RALGAPA2: variants seen among roughly 807,000 people sequenced by gnomAD.
The protein encoded by RALGAPA2 is Ral GTPase activating protein catalytic subunit alpha 2.
In RALGAPA2, 139 loss-of-function variants were observed where a neutral mutation model predicts 230.4. The ratio of observed to expected loss-of-function variants is 0.60; its 90% CI spans 0.53 to 0.69. The LOEUF (loss-of-function observed/expected upper bound fraction) is 0.69. RALGAPA2 is among the 30% of genes least tolerant of loss of function. RALGAPA2 has a pLI of 0.00. For missense variants in RALGAPA2, 2,163 were observed against 2,276.0 expected (o/e 0.95, Z 1.01); for synonymous variants, 847 against 837.8 (o/e 1.01, Z -0.19).
chr20:20,567,670 A>T (rs2064476936), intron 23 of RALGAPA2, among the ~76,000 whole-genome samples: 1 of 151,914 alleles, frequency 6.6e-6, no homozygotes, highest in African/African-American at 2.4e-5. Flanking sequence ...AGTTTTAGAT[A>T]TTTTTTTGAA....
At chr20:20,662,841 G>A (rs1398868152) in intron 3 of RALGAPA2, among the ~76,000 whole-genome samples, 1 of 152,194 alleles carries the variant, frequency 6.6e-6, no homozygotes, top group African/African-American at 2.4e-5. Flanking sequence ...TCCAAAGGGA[G>A]AACACCCTTG....
At chr20:20,625,500 A>G (rs1568666623) in intron 10 of RALGAPA2, among the ~76,000 whole-genome samples, 3 of 152,234 alleles carry the variant, frequency 2.0e-5, no homozygotes, top group Non-Finnish European at 2.9e-5. Flanking sequence ...AACATCCTTT[A>G]GAGCAGTGCT....
intron 1 of RALGAPA2, among the ~76,000 whole-genome samples, chr20:20,692,473 C>A (rs2146925355): frequency 6.6e-6 from 1 of 152,254 alleles, no homozygotes; most frequent in East Asian, 1.9e-4. Flanking sequence ...AATAGAGCCT[C>A]CATTTGCTCA....
At chr20:20,502,579 G>A (rs1382416114) in intron 35 of RALGAPA2, among the ~76,000 whole-genome samples, 2 of 152,140 alleles carry the variant, frequency 1.3e-5, no homozygotes, top group Non-Finnish European at 2.9e-5. Flanking sequence ...GCCTGTCACC[G>A]GAGCCTGGCT....
At chr20:20,710,370 G>A (rs1476681106) in intron 1 of RALGAPA2, among the ~76,000 whole-genome samples, 1 of 152,064 alleles carries the variant, frequency 6.6e-6, no homozygotes. Context: ...TATGTGATTA[G>A]GTAGGAACTA....
intron 20 of RALGAPA2, among the ~76,000 whole-genome samples, chr20:20,580,483 C>T (rs73292767): frequency 0.011 from 1,665 of 152,270 alleles, 26 homozygotes; most frequent in African/African-American, 0.038. Flanking sequence ...AGCCCGTATG[C>T]TCCAGAGCCC....
In RALGAPA2 at chr20:20,512,224, T is replaced by TACACACACACACACAC. The variant is rs1257439741; in HGVS notation, c.4856+288_4856+289insGTGTGTGTGTGTGTGT. Reference sequence around the variant, plus strand: ...AACAAACAACAACAACAACCCCCCCTACACACACACACACATACACACACA... The same window carrying TACACACACACACACAC: ...AACAAACAACAACAACAACCCCCCCTACACACACACACACACACACACACACACACATACACACACA... On this transcript the variant is annotated intron_variant, in intron 32 of 39. Coordinates refer to ENST00000202677, the MANE Select transcript of RALGAPA2 (RefSeq NM_020343.4). Among the ~76,000 whole-genome samples the TACACACACACACACAC allele has an allele frequency of 5.0e-4, 69 of 137,778 alleles. 1 individual carries two copies. The East Asian group carries it at 7.3e-3, about 15-fold the overall frequency. 90.4% of individuals were successfully genotyped at this position (137,778 alleles called of 152,430 possible). A position where few individuals can be genotyped will look rare whatever the true frequency, so the allele number is the denominator to read the frequency against.
intron 13 of RALGAPA2, 71 bp from the exon 14 acceptor site, chr20:20,611,497 A>G: frequency 2.0e-6 from 3 of 1,526,792 alleles, no homozygotes; most frequent in Non-Finnish European, 2.6e-6. Flanking sequence ...TAGGTACCAG[A>G]AATTCTCTTA....
intron 32 of RALGAPA2, among the ~76,000 whole-genome samples, chr20:20,512,224 T>TCCAC (rs2062727885): frequency 7.3e-6 from 1 of 137,708 alleles, no homozygotes; most frequent in Non-Finnish European, 1.6e-5. Context: ...CAACCCCCCC[T>TCCAC]ACACACACAC....
At position 20,680,788 on chromosome 20, in the gene RALGAPA2, T is replaced by C; in HGVS notation, c.120A>G (p.Ala40=). The C allele has an allele frequency of 3.2e-6, 5 of 1,575,542 alleles. No homozygotes were observed. Among genetic ancestry groups the C allele is most frequent in the Non-Finnish European group, 3.4e-6 (4 of 1,167,442 alleles). The change falls in exon 2 of 40, where the codon GCA becomes GCG. Residue 40 remains alanine, a synonymous_variant. Coordinates refer to ENST00000202677, the MANE Select transcript of RALGAPA2 (RefSeq NM_020343.4). Reference sequence around the variant, plus strand: ...TCTCAAAAAACTGCTTAAGATCATTTGCATCCACATTATCTGAAAAGAAAA... The same window carrying C: ...TCTCAAAAAACTGCTTAAGATCATTCGCATCCACATTATCTGAAAAGAAAA... ...HLRALLDNVD[A]NDLKQFFETN... is the part of the protein sequence containing the mutation.
intron 3 of RALGAPA2, among the ~76,000 whole-genome samples, chr20:20,662,585 T>C (rs897538435): frequency 1.3e-5 from 2 of 152,210 alleles, no homozygotes; most frequent in African/African-American, 4.8e-5. Flanking sequence ...TGTTAATCAC[T>C]AAGCTACAGA....
At chr20:20,478,607 A>G (rs2061702101) in intron 36 of RALGAPA2, among the ~76,000 whole-genome samples, 1 of 151,886 alleles carries the variant, frequency 6.6e-6, no homozygotes, top group Admixed American at 6.6e-5. Context: ...GTTCTCACTT[A>G]TAAGTGGGAG....
chr20:20,506,215 T>C (rs1262965237), intron 33 of RALGAPA2, among the ~76,000 whole-genome samples: 2 of 152,012 alleles, frequency 1.3e-5, no homozygotes, highest in Non-Finnish European at 2.9e-5. Context: ...TGTTCCAACA[T>C]AGATCTTGGA....
In RALGAPA2 at chr20:20,605,257, T is replaced by C. The variant is rs755401217; in HGVS notation, c.1956A>G (p.Ala652=). The change falls in exon 15 of 40, where the codon GCA becomes GCG. Residue 652 remains alanine, a synonymous_variant. Transcript: ENST00000202677. ...TCATCTCAACTCCATAAACGGTTCT[T>C]GCAAGCACTGCTGTCAAGGAGTCCA... ...NIMDSLTAVL[A]RTVYGVEMTN... 2.0e-5 allele frequency: 33 copies of C among 1,613,864 alleles called. 2 individuals carry two copies. The South Asian group carries it at 3.1e-4, about 15-fold the overall frequency.
chr20:20,639,425 G>T (rs1446917761), intron 7 of RALGAPA2, among the ~76,000 whole-genome samples: 1 of 152,222 alleles, frequency 6.6e-6, no homozygotes, highest in African/African-American at 2.4e-5. Flanking sequence ...GGCATGAGGA[G>T]ATTGCTCCAT....
In RALGAPA2 at chr20:20,680,935, T is replaced by C. The variant is rs575653541; in HGVS notation, c.107-134A>G. 892 of 1,390,780 alleles carry C rather than the reference T, an allele frequency of 6.4e-4. 1 individual carries two copies. The highest frequency in any genetic ancestry group is 8.1e-4 in the Non-Finnish European group (858 of 1,060,238). The allele number at this position is 1,390,780 out of a possible 1,614,324, so 86.2% of individuals were successfully genotyped here. A position where few individuals can be genotyped will look rare whatever the true frequency, so the allele number is the denominator to read the frequency against. On this transcript the variant is annotated intron_variant, in intron 1 of 39. Coordinates refer to ENST00000202677, the MANE Select transcript of RALGAPA2 (RefSeq NM_020343.4). ...TAAGACAATACAAAACAAAACAGTATTCCTGTTTGTTTATTCTCCACCTAA... is the reference window on the plus strand; with the variant it reads ...TAAGACAATACAAAACAAAACAGTACTCCTGTTTGTTTATTCTCCACCTAA...
chr20:20,508,891 G>A (rs1027479554), intron 33 of RALGAPA2, among the ~76,000 whole-genome samples: 14 of 152,130 alleles, frequency 9.2e-5, no homozygotes, highest in Non-Finnish European at 1.8e-4. Flanking sequence ...GTTGATCAAG[G>A]GGCAGGGGAC....
intron 31 of RALGAPA2, among the ~76,000 whole-genome samples, chr20:20,517,352 C>T (rs1349338277): frequency 6.6e-6 from 1 of 152,180 alleles, no homozygotes; most frequent in East Asian, 1.9e-4. Flanking sequence ...AGTTCCCAAT[C>T]TTCACCCTGA....
At chr20:20,660,415 G>T (rs563380119) in intron 3 of RALGAPA2, among the ~76,000 whole-genome samples, 1 of 151,954 alleles carries the variant, frequency 6.6e-6, no homozygotes, top group South Asian at 2.1e-4. Context: ...GATCAGATTT[G>T]TTCATTCTTA....
Sources: allele counts gnomAD v4.1 joint callset (sites outside exome capture counted in the v4.1 genomes callset), GRCh38; gene constraint gnomAD v4.1.1; transcripts MANE v1.5; gene names NCBI Gene and HGNC (gene_info 2026-07-23, HGNC 2026-07-21).